The following MYO16 variants were observed in gnomAD, a reference collection of about 807,000 sequenced individuals.
The protein encoded by MYO16 is unconventional myosin-XVI.
MYO16 carries 94 observed loss-of-function variants against 205.3 expected under a neutral mutation model. The observed-to-expected ratio is 0.46, with a 90% confidence interval of 0.39 to 0.54. The LOEUF is 0.54. Ranked by LOEUF, MYO16 falls within the 20% of genes least tolerant of loss-of-function variation. The probability of loss-of-function intolerance (pLI) is 0.00; values close to 1 mark genes in which losing one functional copy is unlikely to be tolerated. For missense variants in MYO16, 2,315 were observed against 2,387.5 expected (o/e 0.97, Z 0.63); for synonymous variants, 988 against 954.0 (o/e 1.04, Z -0.66).
intron 23 of MYO16, among the ~76,000 whole-genome samples, chr13:109,023,974 A>G (rs1886265958): frequency 7.8e-6 from 1 of 128,604 alleles, no homozygotes; most frequent in African/African-American, 2.8e-5. Context: ...ATATATTTCT[A>G]TATGTATATA....
At position 109,037,269 on chromosome 13, in the gene MYO16, G is replaced by A. The variant is rs115734506; in HGVS notation, c.2797-9647G>A. Reference sequence around the variant, plus strand: ...CTATGCGAAGTTATTGCCCCTTCCTGGAGCTGGAGGCGGCGGCCCTCAGTG... The same window carrying A: ...CTATGCGAAGTTATTGCCCCTTCCTAGAGCTGGAGGCGGCGGCCCTCAGTG... On this transcript the variant is annotated intron_variant, in intron 23 of 34. Transcript: ENST00000457511. 4.2e-3 allele frequency among the ~76,000 whole-genome samples: 634 copies of A among 152,316 alleles called. 3 individuals carry two copies. Among genetic ancestry groups the A allele is most frequent in the African/African-American group, 0.015 (603 of 41,566 alleles).
chr13:108,592,186 T>TGGGGGGGGGGGGG (rs1878417493), upstream of MYO16, among the ~76,000 whole-genome samples: 1 of 5,272 alleles, frequency 1.9e-4, no homozygotes, highest in Non-Finnish European at 3.4e-4. Flanking sequence ...GTGTGGGGTA[T>TGGGGGGGGGGGGG]GGAGGGGTGT....
intron 21 of MYO16, among the ~76,000 whole-genome samples, chr13:108,998,833 A>G (rs1885122220): frequency 1.3e-5 from 2 of 152,080 alleles, no homozygotes; most frequent in Admixed American, 6.5e-5. Context: ...GTCTCTCCCT[A>G]TGGCTTCTAT....
the MYO16 span, among the ~76,000 whole-genome samples, chr13:108,509,166 A>T: frequency 6.6e-6 from 1 of 152,246 alleles, no homozygotes; most frequent in Non-Finnish European, 1.5e-5. Flanking sequence ...ACCTTCAGGG[A>T]GTAATATAAG....
At chr13:109,173,077 G>C (rs1044024797) in intron 33 of MYO16, among the ~76,000 whole-genome samples, 1 of 152,198 alleles carries the variant, frequency 6.6e-6, no homozygotes, top group Non-Finnish European at 1.5e-5. Flanking sequence ...TAATATCTAG[G>C]TTGGAGGATT....
intron 12 of MYO16, among the ~76,000 whole-genome samples, chr13:108,866,513 A>T (rs542100238): frequency 5.9e-5 from 9 of 152,332 alleles, no homozygotes; most frequent in Admixed American, 5.2e-4. Flanking sequence ...ATAATATGTA[A>T]GTATATTTTC....
chr13:108,709,277 G>A (rs965515174), intron 2 of MYO16, among the ~76,000 whole-genome samples: 5 of 152,168 alleles, frequency 3.3e-5, no homozygotes, highest in African/African-American at 7.2e-5. Context: ...TTTGGATAAA[G>A]TATTTTAACA....
intron 16 of MYO16, among the ~76,000 whole-genome samples, chr13:108,921,482 T>A (rs749498880): frequency 1.3e-5 from 2 of 152,234 alleles, no homozygotes; most frequent in Admixed American, 6.5e-5. Flanking sequence ...CTTTGTAGCT[T>A]GCAGGACATA....
At chr13:108,903,494 T>C (rs554644543) in intron 15 of MYO16, among the ~76,000 whole-genome samples, 4 of 152,276 alleles carry the variant, frequency 2.6e-5, no homozygotes, top group African/African-American at 7.2e-5. Context: ...TTCCAAGGTA[T>C]TGAGGATGAA....
rs750083587 is a variant in MYO16 at position 109,140,738 on chromosome 13, C to T, written c.4526C>T (p.Pro1509Leu). The T allele has an allele frequency of 1.3e-6, 2 of 1,521,884 alleles. No homozygotes were observed. Among genetic ancestry groups the T allele is most frequent in the Non-Finnish European group, 1.8e-6 (2 of 1,135,932 alleles). 94.3% of individuals were successfully genotyped at this position (1,521,884 alleles called of 1,614,324 possible). Residue 1509 changes from proline (P) to leucine (L), a missense_variant, in exon 32 of 35, where the codon CCG (proline) becomes CTG (leucine). Coordinates refer to ENST00000457511, the MANE Select transcript of MYO16 (RefSeq NM_001198950.3). The surrounding 1 kb of genome is among the most constrained non-coding windows in gnomAD (Gnocchi z 8.0). Reference protein sequence around the residue: ...DIPPPFPNLLPHRPPLLVFPP... With the variant: ...DIPPPFPNLLLHRPPLLVFPP... ...CCGCCGCCCTTCCCCAACCTGCTGC[C>T]GCACCGGCCGCCCCTGCTGGTGTTC...
chr13:109,055,671 C>A lies in MYO16; in HGVS notation c.3335+76C>A, dbSNP rs1423346182. The stretch of plus-strand genomic sequence containing the variant: ...TGTACTGACACTGACACTATTGTAG[C>A]AAGGGTCTTCTGTTGTCTTTTTTGG... On this transcript the variant is annotated intron_variant, in intron 27 of 34. Transcript: ENST00000457511. The surrounding 1 kb of genome is among the most constrained non-coding windows in gnomAD (Gnocchi z 5.0). The A allele has an allele frequency of 4.5e-6, 6 of 1,321,440 alleles. No homozygotes were observed. The highest frequency in any genetic ancestry group is 6.4e-6 in the Non-Finnish European group (6 of 935,680). The allele number at this position is 1,321,440 out of a possible 1,614,324, so 81.9% of individuals were successfully genotyped here. A position where few individuals can be genotyped will look rare whatever the true frequency, so the allele number is the denominator to read the frequency against.
intron 4 of MYO16, among the ~76,000 whole-genome samples, chr13:108,728,846 C>A (rs1175720483): frequency 6.6e-6 from 1 of 152,156 alleles, no homozygotes; most frequent in African/African-American, 2.4e-5. Context: ...CACCATACTG[C>A]CCCTCTTCCC....
At chr13:108,942,499 G>A (rs1383464477) in intron 16 of MYO16, among the ~76,000 whole-genome samples, 4 of 151,914 alleles carry the variant, frequency 2.6e-5, no homozygotes, top group Admixed American at 1.3e-4. Flanking sequence ...AGCTTTCAGT[G>A]TTTAAAAAAA....
chr13:108,912,413 G>A (rs1223447182), intron 16 of MYO16, among the ~76,000 whole-genome samples: 2 of 152,014 alleles, frequency 1.3e-5, no homozygotes, highest in Non-Finnish European at 2.9e-5. Flanking sequence ...TAGAAGTTTA[G>A]AAGAAAAAGC....
At chr13:108,518,063 C>T in the MYO16 span, among the ~76,000 whole-genome samples, 4 of 152,106 alleles carry the variant, frequency 2.6e-5, no homozygotes, top group Admixed American at 2.6e-4. Context: ...TCTGGGGGGA[C>T]ACCAACATTC....
chr13:108,794,940 T>C (rs1469827258), intron 6 of MYO16, among the ~76,000 whole-genome samples: 1 of 152,152 alleles, frequency 6.6e-6, no homozygotes, highest in African/African-American at 2.4e-5. Flanking sequence ...AAAGTTTTGT[T>C]GTCTGAAAAG....
chr13:108,681,038 T>C (rs1882439623), intron 2 of MYO16, among the ~76,000 whole-genome samples: 1 of 152,204 alleles, frequency 6.6e-6, no homozygotes, highest in South Asian at 2.1e-4. Flanking sequence ...CAAAGTCTGG[T>C]CACTGCTCTA....
At chr13:108,504,222 A>G in the MYO16 span, among the ~76,000 whole-genome samples, 1 of 152,206 alleles carries the variant, frequency 6.6e-6, no homozygotes, top group South Asian at 2.1e-4. Context: ...CCGGGGTTTA[A>G]GTGATTCTCC....
chr13:108,584,529 T>C, the MYO16 span, among the ~76,000 whole-genome samples: 1 of 152,100 alleles, frequency 6.6e-6, no homozygotes, highest in East Asian at 1.9e-4. Flanking sequence ...TTTTTATTAA[T>C]TATAGTTACC....
Sources: gnomAD v4.1 joint callset for allele counts (sites outside exome capture counted in the v4.1 genomes callset) on GRCh38, gnomAD v4.1.1 for gene constraint, Gnocchi (gnomAD v3.1) non-coding constraint, MANE v1.5 for transcripts, NCBI Gene and HGNC (gene_info 2026-07-23, HGNC 2026-07-21) for gene names.